ERCC6: variants seen among roughly 807,000 people sequenced by gnomAD.
ERCC6 encodes ERCC excision repair 6, chromatin remodeling factor.
ERCC6 carries 116 observed loss-of-function variants against 158.7 expected under a neutral mutation model. The observed-to-expected ratio is 0.73, with a 90% CI of 0.63 to 0.85. ERCC6 has a LOEUF of 0.85. Ranked by LOEUF, ERCC6 falls within the 40% of genes least tolerant of loss-of-function variation. The probability of loss-of-function intolerance (pLI) is 0.00; values close to 1 mark genes in which losing one functional copy is unlikely to be tolerated. For missense variants in ERCC6, 1,698 were observed against 1,799.4 expected (o/e 0.94, Z 1.02); for synonymous variants, 678 against 659.3 (o/e 1.03, Z -0.43).
chr10:49,446,226 G>C, the ERCC6 span, among the ~76,000 whole-genome samples: 1 of 118,722 alleles, frequency 8.4e-6, no homozygotes, highest in Non-Finnish European at 1.7e-5. Flanking sequence ...ACACAAAAAC[G>C]TCACACACAC....
At chr10:49,459,259 G>GAT in intron 20 of ERCC6, 25 bp from the exon 21 acceptor site, 1 of 1,610,842 alleles carries the variant, frequency 6.2e-7, no homozygotes, top group East Asian at 2.2e-5. Context: ...CCACTATACT[G>GAT]ATATATTTAA....
At chr10:49,467,416 G>C (rs1490217193) in intron 18 of ERCC6, among the ~76,000 whole-genome samples, 1 of 152,156 alleles carries the variant, frequency 6.6e-6, no homozygotes, top group African/African-American at 2.4e-5. Context: ...AGCCATTCTA[G>C]AGGGTGTATA....
At chr10:49,532,513 T>G (rs1224253536) in intron 2 of ERCC6, 30 bp downstream of exon 2, 2 of 1,611,590 alleles carry the variant, frequency 1.2e-6, no homozygotes, top group South Asian at 1.1e-5. Context: ...TTACCACCAC[T>G]TTGAAAGGAA....
intron 7 of ERCC6, among the ~76,000 whole-genome samples, chr10:49,495,649 C>T (rs1242431786): frequency 6.6e-6 from 1 of 152,130 alleles, no homozygotes; most frequent in Non-Finnish European, 1.5e-5. Context: ...CCCGTGCTTC[C>T]AAACCAATGG....
chr10:49,507,636 C>T (rs1038980460), intron 5 of ERCC6, among the ~76,000 whole-genome samples: 1 of 152,118 alleles, frequency 6.6e-6, no homozygotes, highest in Non-Finnish European at 1.5e-5. Flanking sequence ...GTACAACAAT[C>T]GTTCTTGACA....
chr10:49,472,484 A>G lies in ERCC6; in HGVS notation c.2830-14T>C, dbSNP rs377760574. ...TCGCTCCCGGGCCTGCAACAGAGAG[A>G]GAGAGACCTCTCAACGAGAATCCTT... On this transcript the variant is annotated splice_polypyrimidine_tract_variant and intron_variant, in intron 15 of 20. Transcript: ENST00000355832. 6.2e-7 allele frequency: 1 copy of G among 1,612,948 alleles called. No homozygotes were observed. Among genetic ancestry groups the G allele is most frequent in the African/African-American group, 1.3e-5 (1 of 75,030 alleles).
At chr10:49,537,502 TACACATAC>T (rs1252843986) in intron 1 of ERCC6, among the ~76,000 whole-genome samples, 43 of 128,910 alleles carry the variant, frequency 3.3e-4, no homozygotes, top group African/African-American at 1.1e-3. Context: ...TATATATATA[TACACATAC>T]ACACACACAC....
rs139188695 is a variant in ERCC6, at chr10:49,461,443, T to A, written c.3892A>T (p.Arg1298Trp). 1 of 1,614,086 alleles carries A rather than the reference T, an allele frequency of 6.2e-7. No homozygotes were observed. The highest frequency in any genetic ancestry group is 1.3e-5 in the African/African-American group (1 of 74,936). ...RVAQDALKAL[R>W]LSRQRCLGAV... is the part of the protein sequence containing the mutation. ...CCCAGACACCGCTGACGAGAGAGCC[T>A]CAGTGCTTTCAGGGCATCCTGGGCC... The change falls in exon 19 of 21, where the codon AGG becomes TGG. Residue 1298 changes from arginine to tryptophan, a missense_variant. Physicochemically the swap from Arg to Trp is moderately radical, Grantham distance 101. Coordinates refer to ENST00000355832, the MANE Select transcript of ERCC6 (RefSeq NM_000124.4).
At chr10:49,439,267 C>A in the ERCC6 span, among the ~76,000 whole-genome samples, 1 of 152,252 alleles carries the variant, frequency 6.6e-6, no homozygotes, top group Non-Finnish European at 1.5e-5. Flanking sequence ...CTTCTGAAAT[C>A]CAGGTGGAGG....
chr10:49,442,331 T>C, the ERCC6 span, among the ~76,000 whole-genome samples: 1 of 152,188 alleles, frequency 6.6e-6, no homozygotes, highest in Admixed American at 6.5e-5. Flanking sequence ...CGGCCTTGAT[T>C]GTCTTGCAAA....
In ERCC6 at chr10:49,470,334, G is replaced by C. The variant is rs773955400; in HGVS notation, c.3626C>G (p.Ser1209Cys). ...AAACTTGGCGTCTCTGCAATGCTTAGAGTTCTTAGGCTTTTGCTTTGGTCT... is the reference window on the plus strand; with the variant it reads ...AAACTTGGCGTCTCTGCAATGCTTACAGTTCTTAGGCTTTTGCTTTGGTCT... Reference protein sequence around the residue: ...HLRPKQKPKNSKHCRDAKFEG... With the variant: ...HLRPKQKPKNCKHCRDAKFEG... Residue 1209 changes from serine to cysteine, a missense_variant, in exon 18 of 21, where the codon TCT becomes TGT. Ser to Cys is a moderately radical substitution (Grantham distance 112). Coordinates refer to ENST00000355832, the MANE Select transcript of ERCC6 (RefSeq NM_000124.4). The C allele has an allele frequency of 6.2e-6, 10 of 1,614,200 alleles. No individual in the cohort carries two copies. In the South Asian group the frequency reaches 9.9e-5, roughly 16 times the overall value.
chr10:49,463,950 A>T (rs1263421483), intron 18 of ERCC6, among the ~76,000 whole-genome samples: 1 of 152,168 alleles, frequency 6.6e-6, no homozygotes, highest in African/African-American at 2.4e-5. Context: ...AAAATGCACT[A>T]ATAAAGGCAA....
chr10:49,459,366 G>T, intron 20 of ERCC6, 132 bp from the exon 21 acceptor site: 1 of 872,452 alleles, frequency 1.1e-6, no homozygotes, highest in Non-Finnish European at 1.8e-6. Context: ...GTGAGACTGA[G>T]ACTCCACCTA....
intron 5 of ERCC6, among the ~76,000 whole-genome samples, chr10:49,509,388 G>A (rs1478626706): frequency 6.6e-6 from 1 of 152,162 alleles, no homozygotes; most frequent in Non-Finnish European, 1.5e-5. Context: ...AATGCAATGT[G>A]CATATTGCAA....
chr10:49,512,798 A>G (rs1291546509), intron 5 of ERCC6, among the ~76,000 whole-genome samples: 2 of 152,242 alleles, frequency 1.3e-5, no homozygotes, highest in East Asian at 3.8e-4. Flanking sequence ...CATGAAACGA[A>G]GTTTTGACTG....
Position 49,533,531 on chromosome 10 carries a change from C to T in ERCC6, c.-14-553G>A, listed in dbSNP as rs116405364. On this transcript the variant is annotated intron_variant, in intron 1 of 20. Coordinates refer to ENST00000355832, the MANE Select transcript of ERCC6 (RefSeq NM_000124.4). Reference sequence around the variant, plus strand: ...AGGCACGTGGCTCAGTCCTGTAATCCCAGCACTTTGGGAGGCCAAAGCGGG... The same window carrying T: ...AGGCACGTGGCTCAGTCCTGTAATCTCAGCACTTTGGGAGGCCAAAGCGGG... Among the ~76,000 whole-genome samples, 563 of 152,238 alleles carry T rather than the reference C, an allele frequency of 3.7e-3. 6 individuals carry two copies. Among genetic ancestry groups the T allele is most frequent in the African/African-American group, 0.013 (545 of 41,532 alleles).
intron 13 of ERCC6, 24 bp from the exon 14 acceptor site, chr10:49,473,611 G>T: frequency 2.2e-6 from 3 of 1,365,890 alleles, no homozygotes; most frequent in Non-Finnish European, 3.1e-6. Context: ...GGGGATAGGA[G>T]TTTGCAAAGC....
chr10:49,447,596 C>A, the ERCC6 span, among the ~76,000 whole-genome samples: 1 of 151,786 alleles, frequency 6.6e-6, no homozygotes, highest in Non-Finnish European at 1.5e-5. Flanking sequence ...GAGGCTGAGG[C>A]AGGAGGCCGA....
chr10:49,490,180 T>C (rs543168342), intron 8 of ERCC6, among the ~76,000 whole-genome samples: 25 of 152,310 alleles, frequency 1.6e-4, no homozygotes, highest in South Asian at 1.2e-3. Flanking sequence ...GCATGGCTGC[T>C]GGGTGTACAT....
Sources: gnomAD v4.1 joint callset for allele counts (sites outside exome capture counted in the v4.1 genomes callset) on GRCh38, gnomAD v4.1.1 for gene constraint, MANE v1.5 for transcripts, NCBI Gene and HGNC (gene_info 2026-07-23, HGNC 2026-07-21) for gene names.